MTX2: variants seen among roughly 807,000 people sequenced by gnomAD.
MTX2 encodes metaxin 2.
MTX2 carries 35 observed loss-of-function variants against 42.3 expected under a neutral mutation model. The ratio of observed to expected loss-of-function variants is 0.83; its 90% CI spans 0.63 to 1.10. The LOEUF (loss-of-function observed/expected upper bound fraction) is 1.10, where lower values mean the gene tolerates loss of function less well. MTX2 is among the 50% of genes least tolerant of loss of function. The probability of loss-of-function intolerance (pLI) is 0.00; values close to 1 mark genes in which losing one functional copy is unlikely to be tolerated. For missense variants in MTX2, 307 were observed against 304.1 expected (o/e 1.01, Z -0.07); for synonymous variants, 119 against 100.9 (o/e 1.18, Z -1.08).
At chr2:176,269,762 C>A in intron 1 of MTX2, 93 bp downstream of exon 1, 1 of 1,415,532 alleles carries the variant, frequency 7.1e-7, no homozygotes, top group Non-Finnish European at 9.4e-7. Context: ...AGCCTTGCGG[C>A]ATTATACGCT....
intron 1 of MTX2, among the ~76,000 whole-genome samples, chr2:176,273,559 ATAT>A: frequency 6.6e-6 from 1 of 152,208 alleles, no homozygotes. Flanking sequence ...ACATTTAAAG[ATAT>A]CTGGCATCTC....
chr2:176,305,510 A>G (rs1178990504), intron 3 of MTX2, among the ~76,000 whole-genome samples: 3 of 152,168 alleles, frequency 2.0e-5, no homozygotes, highest in Non-Finnish European at 4.4e-5. Flanking sequence ...CAACTTTATG[A>G]AAGTTGTAAA....
intron 3 of MTX2, among the ~76,000 whole-genome samples, chr2:176,318,880 C>A (rs1684508579): frequency 6.6e-6 from 1 of 152,134 alleles, no homozygotes; most frequent in Admixed American, 6.6e-5. Context: ...ATACAGTAGC[C>A]ACTAGCCACA....
chr2:176,314,858 G>A (rs985375417), intron 3 of MTX2, among the ~76,000 whole-genome samples: 1 of 152,116 alleles, frequency 6.6e-6, no homozygotes, highest in Non-Finnish European at 1.5e-5. Flanking sequence ...TTTTAAACTT[G>A]GTACGCTATA....
At chr2:176,325,089 TTC>T (rs959174946) in intron 4 of MTX2, among the ~76,000 whole-genome samples, 1 of 151,758 alleles carries the variant, frequency 6.6e-6, no homozygotes, top group Non-Finnish European at 1.5e-5. Context: ...GAAATTTCAC[TTC>T]TCTGAGCCTC....
intron 5 of MTX2, among the ~76,000 whole-genome samples, 155 bp downstream of exon 5, chr2:176,327,056 A>T (rs1684724788): frequency 6.7e-6 from 1 of 148,806 alleles, no homozygotes; most frequent in South Asian, 2.2e-4. Context: ...GTATTTTTTC[A>T]TGATATAATG....
chr2:176,314,430 C>CT (rs1261675898), intron 3 of MTX2, among the ~76,000 whole-genome samples: 1 of 149,668 alleles, frequency 6.7e-6, no homozygotes, highest in African/African-American at 2.5e-5. Flanking sequence ...GAGCAAGACT[C>CT]TGTCTCAAAA....
Position 176,337,939 on chromosome 2 carries a change from A to T in MTX2, c.*275A>T, listed in dbSNP as rs1685037923. On this transcript the variant is annotated 3_prime_UTR_variant, in exon 10 of 10. Coordinates refer to ENST00000249442, the MANE Select transcript of MTX2 (RefSeq NM_006554.5). ...AAATAAAGCTTAAACAACTGTATGG[A>T]TGTTACATTTACTTTCTTTTGATTT... 1 of 214,618 alleles carries T rather than the reference A, an allele frequency of 4.7e-6. No homozygotes were observed. The highest frequency in any genetic ancestry group is 2.3e-5 in the African/African-American group (1 of 43,866). 13.3% of individuals were successfully genotyped at this position (214,618 alleles called of 1,614,324 possible).
At chr2:176,326,477 T>C (rs999152513) in intron 4 of MTX2, among the ~76,000 whole-genome samples, 1 of 151,734 alleles carries the variant, frequency 6.6e-6, no homozygotes, top group Non-Finnish European at 1.5e-5. Context: ...TCAGTGGTCA[T>C]GTACCAGTGT....
intron 1 of MTX2, among the ~76,000 whole-genome samples, chr2:176,291,093 G>C (rs1173434262): frequency 6.6e-6 from 1 of 151,948 alleles, no homozygotes; most frequent in Non-Finnish European, 1.5e-5. Context: ...AAATCATAAA[G>C]TTGTTAATTG....
chr2:176,296,935 CTTTG>C (rs1683900642), intron 2 of MTX2, 28 bp downstream of exon 2: 2 of 1,595,866 alleles, frequency 1.3e-6, no homozygotes, highest in Admixed American at 3.3e-5. Flanking sequence ...TTAAAAATGG[CTTTG>C]TATCAAACTA....
chr2:176,311,847 T>G (rs1178679102), intron 3 of MTX2, among the ~76,000 whole-genome samples: 1 of 152,196 alleles, frequency 6.6e-6, no homozygotes, highest in Non-Finnish European at 1.5e-5. Flanking sequence ...CCCTGACCCC[T>G]TGCGCTTCCT....
chr2:176,337,399 G>T, intron 9 of MTX2, 94 bp from the exon 10 acceptor site: 1 of 1,068,410 alleles, frequency 9.4e-7, no homozygotes, highest in South Asian at 2.0e-5. Flanking sequence ...TTGAACCTAC[G>T]AGTATGGGAC....
intron 4 of MTX2, 38 bp downstream of exon 4, chr2:176,323,502 G>A (rs781381781): frequency 1.3e-6 from 2 of 1,551,304 alleles, no homozygotes; most frequent in African/African-American, 2.7e-5. Context: ...TAATATTATG[G>A]AGTGATAAAA....
At chr2:176,273,899 A>T (rs1575028929) in intron 1 of MTX2, among the ~76,000 whole-genome samples, 1 of 141,364 alleles carries the variant, frequency 7.1e-6, no homozygotes, top group African/African-American at 2.6e-5. Flanking sequence ...GTTTTGTTTT[A>T]TTTTAATTTT....
intron 9 of MTX2, among the ~76,000 whole-genome samples, chr2:176,332,119 A>G (rs1684877124): frequency 6.6e-6 from 1 of 151,286 alleles, no homozygotes; most frequent in Non-Finnish European, 1.5e-5. Flanking sequence ...TATTTAATTG[A>G]TATTATGATG....
chr2:176,308,340 C>T (rs1027650049), intron 3 of MTX2, among the ~76,000 whole-genome samples: 1 of 152,118 alleles, frequency 6.6e-6, no homozygotes, highest in Admixed American at 6.6e-5. Flanking sequence ...TGATGTTCAT[C>T]AGTAATGTTG....
At position 176,329,352 on chromosome 2, in the gene MTX2, T is replaced by C; in HGVS notation, c.469T>C (p.Leu157=). ...SPYPWPLNHI[L]AYQKQWEVKR... is the part of the protein sequence containing the mutation. The stretch of plus-strand genomic sequence containing the variant: ...TTACCCTTGGCCTCTGAATCATATT[T>C]TGGCCTATCAAAAACAGTGGGAAGT... Residue 157 remains leucine, a synonymous_variant, in exon 8 of 10, where the codon TTG becomes CTG. Transcript: ENST00000249442. 1 of 1,608,096 alleles carries C rather than the reference T, an allele frequency of 6.2e-7. No homozygotes were observed. The highest frequency in any genetic ancestry group is 8.5e-7 in the Non-Finnish European group (1 of 1,175,808).
At chr2:176,324,568 T>TC (rs1457965256) in intron 4 of MTX2, among the ~76,000 whole-genome samples, 1 of 151,662 alleles carries the variant, frequency 6.6e-6, no homozygotes, top group Non-Finnish European at 1.5e-5. Flanking sequence ...TCCATCCTTT[T>TC]CCTCTATGTA....
Sources: allele counts gnomAD v4.1 joint callset (sites outside exome capture counted in the v4.1 genomes callset), GRCh38; gene constraint gnomAD v4.1.1; transcripts MANE v1.5; gene names NCBI Gene and HGNC (gene_info 2026-07-23, HGNC 2026-07-21).